Variants in FREM1 observed in about 807,000 individuals in gnomAD.
The protein encoded by FREM1 is FRAS1-related extracellular matrix protein 1.
In FREM1, 220 loss-of-function variants were observed where a neutral mutation model predicts 210.1. The observed-to-expected ratio is 1.05, with a 90% CI of 0.94 to 1.17. The LOEUF is 1.17. Among genes scored for constraint, FREM1 ranks in the 50% most tolerant of loss-of-function variants. FREM1 has a pLI of 0.00. For synonymous variants in FREM1, 1,189 were observed against 980.2 expected, an observed-to-expected ratio of 1.21 and a Z score of -3.98; for missense variants, 3,454 against 2,675.5, an observed-to-expected ratio of 1.29 and a Z score of -6.42.
intron 1 of FREM1, among the ~76,000 whole-genome samples, chr9:14,869,505 T>C (rs1832193121): frequency 6.6e-6 from 1 of 152,236 alleles, no homozygotes; most frequent in African/African-American, 2.4e-5. Context: ...GTCAACTGTG[T>C]GGTCCAGGAG....
At chr9:14,758,553 G>A (rs1360254489) in intron 28 of FREM1, among the ~76,000 whole-genome samples, 1 of 152,052 alleles carries the variant, frequency 6.6e-6, no homozygotes, top group Non-Finnish European at 1.5e-5. Flanking sequence ...ACTGAGCCTG[G>A]ATATGGTCAA....
intron 29 of FREM1, among the ~76,000 whole-genome samples, chr9:14,754,404 T>G (rs186003504): frequency 1.3e-5 from 2 of 152,190 alleles, no homozygotes; most frequent in Non-Finnish European, 1.5e-5. Flanking sequence ...TTATCTGAGT[T>G]AGAATGTTAA....
intron 3 of FREM1, among the ~76,000 whole-genome samples, chr9:14,861,165 ACATGTATG>A (rs1368024037): frequency 1.8e-4 from 24 of 136,522 alleles, no homozygotes; most frequent in African/African-American, 5.9e-4. Flanking sequence ...ACGTATATAC[ACATGTATG>A]TACATATATA....
chr9:14,794,120 AG>A (rs1420503821), intron 21 of FREM1, among the ~76,000 whole-genome samples: 5 of 152,216 alleles, frequency 3.3e-5, no homozygotes, highest in African/African-American at 1.2e-4. Flanking sequence ...CTGGAAGCCA[AG>A]ACAGGACAAG....
intron 4 of FREM1, among the ~76,000 whole-genome samples, chr9:14,858,342 T>C (rs1332804): frequency 0.069 from 10,470 of 152,156 alleles, 462 homozygotes; most frequent in East Asian, 0.14. Context: ...TTGTTTAGTA[T>C]ATAATACTCA....
intron 27 of FREM1, among the ~76,000 whole-genome samples, chr9:14,764,019 C>A (rs541683901): frequency 6.6e-6 from 1 of 152,296 alleles, no homozygotes; most frequent in Non-Finnish European, 1.5e-5. Context: ...TGAATTGCAG[C>A]TCCCATAATT....
chr9:14,869,888 G>A (rs958890031), intron 1 of FREM1, among the ~76,000 whole-genome samples: 7 of 152,200 alleles, frequency 4.6e-5, no homozygotes, highest in African/African-American at 1.4e-4. Flanking sequence ...AGCACGCACA[G>A]CTAATGACAC....
rs1410127694 is a variant in FREM1, at chr9:14,756,344, C to T, written c.5407+30G>A. The T allele has an allele frequency of 4.0e-6, 6 of 1,503,324 alleles. No homozygotes were observed. The East Asian group carries it at 1.2e-4, about 30-fold the overall frequency. 93.1% of individuals were successfully genotyped at this position (1,503,324 alleles called of 1,614,324 possible). A position where few individuals can be genotyped will look rare whatever the true frequency, so the allele number is the denominator to read the frequency against. ...ACAAAAAAAAACAAAAAACAAAACA[C>T]ATAAAACAAACTGCAGACACAAAAT... On this transcript the variant is annotated intron_variant, in intron 29 of 36. Transcript: ENST00000380880.
intron 10 of FREM1, among the ~76,000 whole-genome samples, chr9:14,832,850 G>A (rs938660061): frequency 2.0e-5 from 3 of 152,176 alleles, no homozygotes; most frequent in African/African-American, 7.2e-5. Flanking sequence ...TTGGTCTTAA[G>A]CTGTAAACAA....
intron 5 of FREM1, among the ~76,000 whole-genome samples, chr9:14,856,279 G>C (rs1385221606): frequency 6.6e-6 from 1 of 152,000 alleles, no homozygotes; most frequent in Non-Finnish European, 1.5e-5. Context: ...AGGCAATCTG[G>C]GCCCAGCGTC....
intron 28 of FREM1, among the ~76,000 whole-genome samples, chr9:14,758,894 T>G (rs955024860): frequency 6.6e-6 from 1 of 152,204 alleles, no homozygotes; most frequent in African/African-American, 2.4e-5. Flanking sequence ...TTCTTCATAT[T>G]TCAGGGTGCC....
intron 8 of FREM1, among the ~76,000 whole-genome samples, chr9:14,845,453 C>T (rs965439868): frequency 2.6e-5 from 4 of 152,042 alleles, no homozygotes; most frequent in Admixed American, 2.0e-4. Context: ...TACAGGCGCC[C>T]GCCACCATGC....
At chr9:14,901,881 T>A (rs1195691471) in intron 1 of FREM1, among the ~76,000 whole-genome samples, 1 of 152,170 alleles carries the variant, frequency 6.6e-6, no homozygotes, top group Non-Finnish European at 1.5e-5. Flanking sequence ...AGATGGGGTC[T>A]CACGCTGTAG....
chr9:14,873,756 T>C (rs1450483094), intron 1 of FREM1, among the ~76,000 whole-genome samples: 6 of 152,208 alleles, frequency 3.9e-5, no homozygotes, highest in East Asian at 1.9e-4. Flanking sequence ...TAAATTGTGA[T>C]GTTAGGGTGT....
At chr9:14,790,603 A>G (rs1331377824) in intron 22 of FREM1, 4 of 152,292 alleles carry the variant, frequency 2.6e-5, no homozygotes, top group African/African-American at 9.6e-5. Context: ...AAAATGTAAG[A>G]CTGACTTAAT....
intron 29 of FREM1, among the ~76,000 whole-genome samples, chr9:14,754,029 A>G (rs757136361): frequency 8.5e-5 from 13 of 152,214 alleles, no homozygotes; most frequent in Admixed American, 2.6e-4. Context: ...GGAATCTCCA[A>G]GAGACAGATT....
intron 1 of FREM1, among the ~76,000 whole-genome samples, chr9:14,875,037 G>A (rs7036092): frequency 0.19 from 28,645 of 152,100 alleles, 2,828 homozygotes; most frequent in Middle Eastern, 0.26. Flanking sequence ...CGAGAGATCC[G>A]CTGTTAGTCT....
intron 1 of FREM1, among the ~76,000 whole-genome samples, chr9:14,881,905 T>A (rs1834860328): frequency 6.6e-6 from 1 of 152,134 alleles, no homozygotes; most frequent in Non-Finnish European, 1.5e-5. Flanking sequence ...TCTTTATGCT[T>A]CCCTCCATCT....
At chr9:14,851,028 GGGCA>G (rs1827634761) in intron 6 of FREM1, among the ~76,000 whole-genome samples, 1 of 152,192 alleles carries the variant, frequency 6.6e-6, no homozygotes, top group Non-Finnish European at 1.5e-5. Flanking sequence ...GGGCAGTGGT[GGGCA>G]TGAGCTGAGT....
Sources: allele counts gnomAD v4.1 joint callset (sites outside exome capture counted in the v4.1 genomes callset), GRCh38; gene constraint gnomAD v4.1.1; transcripts MANE v1.5; gene names NCBI Gene and HGNC (gene_info 2026-07-23, HGNC 2026-07-21).